The following LRRC4C variants were observed in gnomAD, a reference collection of about 807,000 sequenced individuals.
LRRC4C encodes the protein leucine rich repeat containing 4C.
In LRRC4C, 5 loss-of-function variants were observed where a neutral mutation model predicts 33.6. The observed-to-expected ratio is 0.15, with a 90% CI of 0.08 to 0.31. The LOEUF is 0.31. Among genes scored for constraint, LRRC4C ranks in the 10% least tolerant of loss-of-function variants. The pLI, the probability that LRRC4C is intolerant of heterozygous loss-of-function variation, is 1.00. For missense variants in LRRC4C, 560 were observed against 796.7 expected (o/e 0.70, Z 3.58); for synonymous variants, 329 against 302.0 (o/e 1.09, Z -0.93).
chr11:40,605,561 T>G (rs1234252254), intron 3 of LRRC4C, among the ~76,000 whole-genome samples: 1 of 152,144 alleles, frequency 6.6e-6, no homozygotes, highest in East Asian at 1.9e-4. Flanking sequence ...TCCCACCTTA[T>G]CACAGTGGGA....
chr11:40,791,811 T>G (rs770261054), intron 2 of LRRC4C, among the ~76,000 whole-genome samples: 1 of 152,146 alleles, frequency 6.6e-6, no homozygotes, highest in African/African-American at 2.4e-5. Context: ...TTCAGTAAGA[T>G]TCTTTGGACA....
At chr11:40,997,778 T>C (rs1854088228) in intron 1 of LRRC4C, among the ~76,000 whole-genome samples, 1 of 152,086 alleles carries the variant, frequency 6.6e-6, no homozygotes, top group Non-Finnish European at 1.5e-5. Flanking sequence ...GCTGTTCCAC[T>C]GTCACCAATG....
chr11:40,627,397 C>T (rs530721841), intron 3 of LRRC4C, among the ~76,000 whole-genome samples: 39 of 152,082 alleles, frequency 2.6e-4, no homozygotes, highest in Middle Eastern at 3.4e-3. Flanking sequence ...TACAGTTGAA[C>T]GTCTTTAGTA....
chr11:41,343,434 T>C (rs1367265033), intron 1 of LRRC4C, among the ~76,000 whole-genome samples: 1 of 152,212 alleles, frequency 6.6e-6, no homozygotes, highest in African/African-American at 2.4e-5. Flanking sequence ...AATTTACTGT[T>C]CGAATATTTT....
At chr11:41,114,474 G>A (rs1942013524) in intron 1 of LRRC4C, among the ~76,000 whole-genome samples, 1 of 152,048 alleles carries the variant, frequency 6.6e-6, no homozygotes, top group South Asian at 2.1e-4. Flanking sequence ...TGGTTCAAGT[G>A]TATACCTGCT....
At chr11:41,379,961 TACACACACACATGCATGCACACAAAC>T (rs1375359436) in intron 1 of LRRC4C, among the ~76,000 whole-genome samples, 2 of 151,896 alleles carry the variant, frequency 1.3e-5, no homozygotes, top group Admixed American at 6.6e-5. Context: ...ATCATTTAGA[TACACACACACATGCATGCACACAAAC>T]ACACACACAC....
rs1487655768 is a variant in LRRC4C at position 41,204,892 on chromosome 11, T to C, written c.-496+254539A>G. Among the ~76,000 whole-genome samples the C allele has an allele frequency of 2.0e-5, 3 of 152,154 alleles. No homozygotes were observed. The East Asian group carries it at 5.8e-4, about 29-fold the overall frequency. On this transcript the variant is annotated intron_variant, in intron 1 of 6. Transcript: ENST00000528697. ...CAAGATGATTGTAAGGTTTGACATG[T>C]ATTAAAGGGGTGAGATATGAGGCAG... is the stretch of plus-strand genomic sequence containing the variant.
At chr11:41,438,720 C>T (rs988548332) in intron 1 of LRRC4C, among the ~76,000 whole-genome samples, 1 of 152,076 alleles carries the variant, frequency 6.6e-6, no homozygotes, top group Non-Finnish European at 1.5e-5. Context: ...AATCTTATCA[C>T]CAACCTTTAA....
intron 3 of LRRC4C, among the ~76,000 whole-genome samples, chr11:40,388,085 A>G (rs1241433751): frequency 6.6e-6 from 1 of 152,148 alleles, no homozygotes. Flanking sequence ...ATATGTATTG[A>G]GAAAAGTAGC....
chr11:40,445,939 T>A (rs911907174), intron 3 of LRRC4C: 1 of 152,222 alleles, frequency 6.6e-6, no homozygotes, highest in Non-Finnish European at 1.5e-5. Flanking sequence ...TGTGTGAATA[T>A]CCTGATATTT....
intron 2 of LRRC4C, among the ~76,000 whole-genome samples, chr11:40,775,887 G>T (rs978480248): frequency 6.6e-6 from 1 of 152,102 alleles, no homozygotes; most frequent in Non-Finnish European, 1.5e-5. Context: ...GCTTTTGACT[G>T]TTCAGTATGT....
At chr11:40,307,802 T>C (rs1358904425) in intron 4 of LRRC4C, among the ~76,000 whole-genome samples, 2 of 152,120 alleles carry the variant, frequency 1.3e-5, no homozygotes, top group Admixed American at 6.5e-5. Context: ...AATGTTAAAG[T>C]AAACTAAAAA....
chr11:40,859,281 A>G (rs1030412679), intron 2 of LRRC4C, among the ~76,000 whole-genome samples: 3 of 152,182 alleles, frequency 2.0e-5, no homozygotes, highest in Non-Finnish European at 4.4e-5. Context: ...CAGATAATGT[A>G]TACTTTCAGT....
chr11:41,160,994 T>C (rs1271184898), intron 1 of LRRC4C, among the ~76,000 whole-genome samples: 1 of 152,190 alleles, frequency 6.6e-6, no homozygotes, highest in African/African-American at 2.4e-5. Flanking sequence ...ATTGACGATT[T>C]ACTTTAGACA....
At position 41,205,412 on chromosome 11, in the gene LRRC4C, A is replaced by G. The variant is rs114847722; in HGVS notation, c.-496+254019T>C. 8.1e-3 allele frequency among the ~76,000 whole-genome samples: 1,237 copies of G among 152,312 alleles called. 24 individuals carry two copies. Among genetic ancestry groups the G allele is most frequent in the African/African-American group, 0.029 (1,193 of 41,566 alleles). On this transcript the variant is annotated intron_variant, in intron 1 of 6. Transcript: ENST00000528697. ...GGGCTCCTGAAATCTTCAAGGCAGG[A>G]GACAGCAGTGGCTTGTAGAAGGTCA...
At chr11:41,364,814 A>C (rs1187128934) in intron 1 of LRRC4C, among the ~76,000 whole-genome samples, 2 of 152,278 alleles carry the variant, frequency 1.3e-5, no homozygotes, top group African/African-American at 4.8e-5. Flanking sequence ...CCTAGACATA[A>C]AGAGAAATTG....
chr11:41,188,658 T>C (rs1381527921), intron 1 of LRRC4C, among the ~76,000 whole-genome samples: 1 of 148,100 alleles, frequency 6.8e-6, no homozygotes, highest in Non-Finnish European at 1.5e-5. Flanking sequence ...AGTTTTTTTA[T>C]CTCTTCTAAA....
intron 2 of LRRC4C, among the ~76,000 whole-genome samples, chr11:40,875,999 G>C (rs1180958221): frequency 6.6e-6 from 1 of 152,080 alleles, no homozygotes; most frequent in Non-Finnish European, 1.5e-5. Context: ...CGTTTTGGTT[G>C]CTGTCACTGT....
chr11:41,113,038 G>A (rs562131692), intron 1 of LRRC4C, among the ~76,000 whole-genome samples: 7 of 152,136 alleles, frequency 4.6e-5, no homozygotes, highest in Admixed American at 3.3e-4. Flanking sequence ...TTGTGTATAG[G>A]TTGAGACATA....
Sources: allele counts gnomAD v4.1 joint callset (sites outside exome capture counted in the v4.1 genomes callset), GRCh38; gene constraint gnomAD v4.1.1; transcripts MANE v1.5; gene names NCBI Gene and HGNC (gene_info 2026-07-23, HGNC 2026-07-21).